Variants in ROR1 observed in about 807,000 individuals in gnomAD.
ROR1 encodes the protein inactive tyrosine-protein kinase transmembrane receptor ROR1.
Under a neutral mutation model 78.8 loss-of-function variants are expected in ROR1, and 19 were observed. That is an observed-to-expected ratio of 0.24 (90% confidence interval 0.17 to 0.35). ROR1 has a LOEUF of 0.35. Ranked by LOEUF, ROR1 falls within the 10% of genes least tolerant of loss-of-function variation. The pLI, the probability that ROR1 is intolerant of heterozygous loss-of-function variation, is 1.00. For missense variants in ROR1, 917 were observed against 1,177.8 expected (o/e 0.78, Z 3.24); for synonymous variants, 386 against 433.6 (o/e 0.89, Z 1.36).
intron 1 of ROR1, among the ~76,000 whole-genome samples, chr1:63,917,980 G>A (rs1645621900): frequency 6.6e-6 from 1 of 152,180 alleles, no homozygotes; most frequent in South Asian, 2.1e-4. Context: ...TGGGCAGAGA[G>A]GATGAGAAAG....
At chr1:64,034,915 T>TTTTG (rs201986570) in intron 2 of ROR1, among the ~76,000 whole-genome samples, 10,266 of 152,214 alleles carry the variant, frequency 0.067, 508 homozygotes, top group African/African-American at 0.15. Flanking sequence ...AATCTCGAGG[T>TTTTG]AGATACCTAC....
intron 4 of ROR1, chr1:64,105,846 T>C (rs1218634292): frequency 6.6e-6 from 1 of 152,276 alleles, no homozygotes; most frequent in African/African-American, 2.4e-5. Context: ...TACCATGCTG[T>C]TTTGGTTACT....
At position 63,779,179 on chromosome 1, in the gene ROR1, A is replaced by T. The variant is rs77159048; in HGVS notation, c.91+4671A>T. The stretch of plus-strand genomic sequence containing the variant: ...TGAGCTTCAACTTTGATGTGGTTTG[A>T]GAAGTGTGCTCGCCAGTTTTTTCCA... On this transcript the variant is annotated intron_variant, in intron 1 of 8. Coordinates refer to ENST00000371079, the MANE Select transcript of ROR1 (RefSeq NM_005012.4). Among the ~76,000 whole-genome samples, 860 of 152,298 alleles carry T rather than the reference A, an allele frequency of 5.6e-3. 8 individuals are homozygous for T. Among genetic ancestry groups the T allele is most frequent in the African/African-American group, 0.02 (821 of 41,554 alleles).
intron 1 of ROR1, among the ~76,000 whole-genome samples, chr1:63,836,200 A>G (rs1449667341): frequency 6.6e-6 from 1 of 152,228 alleles, no homozygotes; most frequent in African/African-American, 2.4e-5. Context: ...ATTTGAATCC[A>G]GGTTTGCCTG....
At chr1:64,035,461 A>G (rs956437704) in intron 2 of ROR1, among the ~76,000 whole-genome samples, 1 of 152,160 alleles carries the variant, frequency 6.6e-6, no homozygotes, top group Non-Finnish European at 1.5e-5. Flanking sequence ...TTCACGACCC[A>G]TCATGAGGGG....
intron 4 of ROR1, among the ~76,000 whole-genome samples, chr1:64,057,948 A>G (rs1646888041): frequency 6.6e-6 from 1 of 152,210 alleles, no homozygotes; most frequent in South Asian, 2.1e-4. Flanking sequence ...TGCTGTCTCA[A>G]CAGTATTAAG....
chr1:63,991,070 C>G (rs913243075), intron 1 of ROR1, among the ~76,000 whole-genome samples: 2 of 151,272 alleles, frequency 1.3e-5, no homozygotes, highest in African/African-American at 2.4e-5. Context: ...AGGTGCATGA[C>G]ACCATGCCAG....
chr1:64,045,459 A>C (rs1206467501), intron 2 of ROR1, among the ~76,000 whole-genome samples: 1 of 152,180 alleles, frequency 6.6e-6, no homozygotes, highest in Non-Finnish European at 1.5e-5. Context: ...TAGGTTAATA[A>C]ACAAATATTT....
intron 4 of ROR1, among the ~76,000 whole-genome samples, chr1:64,125,208 C>G (rs1648669186): frequency 6.6e-6 from 1 of 152,130 alleles, no homozygotes; most frequent in African/African-American, 2.4e-5. Context: ...TTTCCAGACT[C>G]AAATAAAGTA....
chr1:64,065,753 A>T (rs1353440023), intron 4 of ROR1, among the ~76,000 whole-genome samples: 3 of 152,238 alleles, frequency 2.0e-5, no homozygotes, highest in Non-Finnish European at 2.9e-5. Flanking sequence ...TCCAGTTATT[A>T]TTACTAAATA....
intron 1 of ROR1, among the ~76,000 whole-genome samples, chr1:63,866,240 T>G (rs1489740321): frequency 1.3e-5 from 2 of 152,060 alleles, no homozygotes; most frequent in Non-Finnish European, 2.9e-5. Context: ...CCTGGATGTC[T>G]AAGTAAATTT....
chr1:64,054,042 C>T (rs1646854408), intron 4 of ROR1, among the ~76,000 whole-genome samples: 1 of 152,110 alleles, frequency 6.6e-6, no homozygotes, highest in Non-Finnish European at 1.5e-5. Flanking sequence ...CAACCTCTGC[C>T]TACTGGGCTC....
rs1228611093 is a variant in ROR1 at position 64,177,672 on chromosome 1, A to G, written c.1631A>G (p.Gln544Arg). Residue 544 changes from glutamine to arginine, a missense_variant, in exon 9 of 9, where the codon CAG becomes CGG. By Grantham distance (43) the Gln-to-Arg change is conservative (BLOSUM62 1). Coordinates refer to ENST00000371079, the MANE Select transcript of ROR1 (RefSeq NM_005012.4). ...GTCTGCCTTCTAGGTGCCGTCACTC[A>G]GGAACAACCTGTGTGCATGCTTTTT... ...NIVCLLGAVTQEQPVCMLFEY... is the reference protein window; with the variant it reads ...NIVCLLGAVTREQPVCMLFEY... 2 of 1,614,204 alleles carry G rather than the reference A, an allele frequency of 1.2e-6. No homozygotes were observed.
intron 1 of ROR1, among the ~76,000 whole-genome samples, chr1:63,959,872 T>C (rs1269450334): frequency 6.6e-6 from 1 of 152,180 alleles, no homozygotes; most frequent in Non-Finnish European, 1.5e-5. Context: ...AGCAGCCCCT[T>C]CAACCTGGAG....
intron 1 of ROR1, among the ~76,000 whole-genome samples, chr1:63,841,205 G>T (rs2100313972): frequency 6.6e-6 from 1 of 152,284 alleles, no homozygotes; most frequent in East Asian, 1.9e-4. Context: ...GTAACTAAAG[G>T]TTGTAGAGGT....
chr1:64,038,370 C>T (rs1646720214), intron 2 of ROR1, among the ~76,000 whole-genome samples: 1 of 152,128 alleles, frequency 6.6e-6, no homozygotes, highest in Non-Finnish European at 1.5e-5. Flanking sequence ...TCCCTTTCTC[C>T]ACCCTATCTT....
intron 4 of ROR1, among the ~76,000 whole-genome samples, chr1:64,131,775 C>T (rs921067585): frequency 1.3e-5 from 2 of 152,022 alleles, no homozygotes; most frequent in African/African-American, 4.8e-5. Context: ...CCACCATGCC[C>T]TGCTAATTTT....
At chr1:64,084,224 A>G (rs576702324) in intron 4 of ROR1, among the ~76,000 whole-genome samples, 1 of 152,238 alleles carries the variant, frequency 6.6e-6, no homozygotes, top group Non-Finnish European at 1.5e-5. Context: ...AATATCCAAG[A>G]ACCACAATGC....
chr1:63,824,836 C>A (rs960073361), intron 1 of ROR1, among the ~76,000 whole-genome samples: 11 of 152,040 alleles, frequency 7.2e-5, no homozygotes, highest in African/African-American at 2.7e-4. Context: ...TTTTTTCAGT[C>A]TTCATGTATA....
Sources: allele counts gnomAD v4.1 joint callset (sites outside exome capture counted in the v4.1 genomes callset), GRCh38; gene constraint gnomAD v4.1.1; transcripts MANE v1.5; gene names NCBI Gene and HGNC (gene_info 2026-07-23, HGNC 2026-07-21).